Variants in LEPROTL1 observed in about 807,000 individuals in gnomAD.
LEPROTL1 encodes the protein leptin receptor overlapping transcript like 1, also known as leptin receptor overlapping transcript-like 1.
LEPROTL1 carries 6 observed loss-of-function variants against 15.4 expected under a neutral mutation model. That is an observed-to-expected ratio of 0.39 (90% CI 0.21 to 0.77). LEPROTL1 has a LOEUF of 0.77. LEPROTL1 is among the 30% of genes least tolerant of loss of function. The pLI, the probability that LEPROTL1 is intolerant of heterozygous loss-of-function variation, is 0.41. For synonymous variants in LEPROTL1, 56 were observed against 52.6 expected (o/e 1.06, Z -0.28); for missense variants, 128 against 158.1 (o/e 0.81, Z 1.02).
Position 30,095,454 on chromosome 8 carries a change from C to G in LEPROTL1, c.-59C>G, listed in dbSNP as rs950093356. ...CCGCCGTAGCGCGTCTTGGGTCTCC[C>G]GGCTGCCGCTGCTGCCGCCGCCGCC... On this transcript the variant is annotated 5_prime_UTR_variant, in exon 1 of 4. Coordinates refer to ENST00000321250, the MANE Select transcript of LEPROTL1 (RefSeq NM_015344.3). The G allele has an allele frequency of 2.7e-6, 4 of 1,460,422 alleles. No individual in the cohort carries two copies. The highest frequency in any genetic ancestry group is 2.9e-5 in the African/African-American group (2 of 68,070). The allele number at this position is 1,460,422 out of a possible 1,614,324, so 90.5% of individuals were successfully genotyped here.
At chr8:30,135,058 T>G (rs1467231529) in intron 4 of LEPROTL1, among the ~76,000 whole-genome samples, 9 of 988 alleles carry the variant, frequency 9.1e-3, no homozygotes, top group Non-Finnish European at 0.044. Context: ...TTTTGTGGGT[T>G]TTTTTTTTTT....
intron 3 of LEPROTL1, among the ~76,000 whole-genome samples, chr8:30,116,016 G>A (rs551220690): frequency 8.5e-5 from 13 of 152,192 alleles, no homozygotes; most frequent in South Asian, 4.2e-4. Context: ...CAAGCTGGGC[G>A]GATTGCTTGA....
chr8:30,129,574 A>G (rs1802961029), intron 3 of LEPROTL1, among the ~76,000 whole-genome samples: 1 of 151,992 alleles, frequency 6.6e-6, no homozygotes, highest in Non-Finnish European at 1.5e-5. Flanking sequence ...GTGTGGTGGC[A>G]TGTGCCCGTA....
At chr8:30,138,245 C>T (rs73576725), downstream of LEPROTL1, 1,308 of 273,034 alleles carry the variant, frequency 4.8e-3, 15 homozygotes, top group African/African-American at 0.026. Flanking sequence ...CTGTGAATTA[C>T]TCTTTCTTTA....
intron 3 of LEPROTL1, among the ~76,000 whole-genome samples, chr8:30,105,492 GTATAAAA>G: frequency 6.7e-6 from 1 of 149,596 alleles, no homozygotes; most frequent in Non-Finnish European, 1.5e-5. Context: ...GAAAATACTA[GTATAAAA>G]GTACCACTTT....
chr8:30,127,683 A>AT (rs377167303), intron 3 of LEPROTL1, among the ~76,000 whole-genome samples: 22 of 62,294 alleles, frequency 3.5e-4, no homozygotes, highest in East Asian at 1.6e-3. Context: ...AAAAAAAAAA[A>AT]ATACACACAC....
chr8:30,111,221 G>A (rs1180436118), downstream of LEPROTL1, among the ~76,000 whole-genome samples: 1 of 152,188 alleles, frequency 6.6e-6, no homozygotes, highest in Non-Finnish European at 1.5e-5. Context: ...TTAACTGAGT[G>A]TAGCAGTGAA....
chr8:30,114,585 C>A (rs1476801216), intron 3 of LEPROTL1, among the ~76,000 whole-genome samples: 1 of 152,118 alleles, frequency 6.6e-6, no homozygotes. Context: ...GCCACTGCGC[C>A]CAGCTTACAT....
chr8:30,137,162 A>C, intron 4 of LEPROTL1: 1 of 838,558 alleles, frequency 1.2e-6, no homozygotes. Flanking sequence ...AGAGCCAGGA[A>C]CATGAGATCT....
chr8:30,114,514 C>T (rs925739794), intron 3 of LEPROTL1, among the ~76,000 whole-genome samples: 1 of 152,140 alleles, frequency 6.6e-6, no homozygotes, highest in South Asian at 2.1e-4. Context: ...TGGTCTTGAA[C>T]TCCTGACCTG....
intron 3 of LEPROTL1, among the ~76,000 whole-genome samples, chr8:30,128,126 C>T (rs772005569): frequency 1.9e-4 from 29 of 152,136 alleles, no homozygotes; most frequent in Non-Finnish European, 3.5e-4. Context: ...CCGGGCTGTC[C>T]TCTGGGCAGA....
intron 3 of LEPROTL1, among the ~76,000 whole-genome samples, chr8:30,118,491 G>A (rs1468785908): frequency 6.6e-6 from 1 of 152,166 alleles, no homozygotes; most frequent in Non-Finnish European, 1.5e-5. Context: ...CCAACAGTAA[G>A]GTGTCAACAG....
chr8:30,126,450 CA>C (rs1405138483), intron 3 of LEPROTL1, among the ~76,000 whole-genome samples: 8 of 152,150 alleles, frequency 5.3e-5, no homozygotes, highest in Non-Finnish European at 1.2e-4. Flanking sequence ...CAAACCATAC[CA>C]ACCTCCTTTT....
intron 3 of LEPROTL1, among the ~76,000 whole-genome samples, chr8:30,130,754 AT>A (rs921932994): frequency 2.1e-5 from 3 of 143,988 alleles, no homozygotes; most frequent in East Asian, 4.0e-4. Context: ...TTTTAGGACA[AT>A]TTTTTTTTCA....
chr8:30,116,447 C>T (rs757282528), intron 3 of LEPROTL1, among the ~76,000 whole-genome samples: 29 of 152,130 alleles, frequency 1.9e-4, no homozygotes, highest in Non-Finnish European at 3.7e-4. Flanking sequence ...TCATAAGGAG[C>T]GCGCAACCTA....
chr8:30,120,907 T>C lies in LEPROTL1; in HGVS notation c.280-11468T>C, dbSNP rs1585474661. Among the ~76,000 whole-genome samples the C allele has an allele frequency of 7.2e-5, 11 of 152,328 alleles. 1 individual carries two copies. The Middle Eastern group carries it at 0.034, about 471-fold the overall frequency. Reference sequence around the variant, plus strand: ...TTAAGTGTACACTTCAGTATTGTTATATACCCGCATAATTCTATACAGCAG... The same window carrying C: ...TTAAGTGTACACTTCAGTATTGTTACATACCCGCATAATTCTATACAGCAG... On this transcript the variant is annotated intron_variant, in intron 3 of 4. Coordinates refer to the LEPROTL1 transcript ENST00000442880.
At chr8:30,103,729 G>A (rs758185710) in intron 2 of LEPROTL1, among the ~76,000 whole-genome samples, 3 of 147,008 alleles carry the variant, frequency 2.0e-5, no homozygotes, top group East Asian at 2.0e-4. Flanking sequence ...GCAGCAGAGC[G>A]AGACTCTGTC....
At chr8:30,132,169 A>G in intron 3 of LEPROTL1, 2 of 1,551,836 alleles carry the variant, frequency 1.3e-6, no homozygotes, top group Non-Finnish European at 1.7e-6. Context: ...AAAGGAGTGA[A>G]TCAGGTAGTC....
intron 4 of LEPROTL1, chr8:30,132,999 G>T: frequency 7.7e-7 from 1 of 1,290,394 alleles, no homozygotes; most frequent in Non-Finnish European, 1.0e-6. Flanking sequence ...GCAGGAAATA[G>T]ATAGGTCTGT....
Sources: allele counts gnomAD v4.1 joint callset (sites outside exome capture counted in the v4.1 genomes callset), GRCh38; gene constraint gnomAD v4.1.1; transcripts MANE v1.5; gene names NCBI Gene and HGNC (gene_info 2026-07-23, HGNC 2026-07-21).